RTF1: variants seen among roughly 807,000 people sequenced by gnomAD.
The protein encoded by RTF1 is RNA polymerase-associated protein RTF1 homolog.
In RTF1, 10 loss-of-function variants were observed where a neutral mutation model predicts 95.7. The ratio of observed to expected loss-of-function variants is 0.10; its 90% CI spans 0.06 to 0.18. The LOEUF is 0.18. Ranked by LOEUF, RTF1 falls within the 10% of genes least tolerant of loss-of-function variation. RTF1 has a pLI of 1.00. For synonymous variants in RTF1, 305 were observed against 311.8 expected (o/e 0.98, Z 0.23); for missense variants, 458 against 875.6 (o/e 0.52, Z 6.02).
intron 14 of RTF1, 76 bp downstream of exon 14, chr15:41,477,591 G>GT: frequency 8.6e-6 from 12 of 1,389,214 alleles, no homozygotes; most frequent in Non-Finnish European, 1.2e-5. Flanking sequence ...TCTTGCCTAA[G>GT]TTTATTTTTT....
intron 1 of RTF1, among the ~76,000 whole-genome samples, chr15:41,433,720 G>C (rs2050687426): frequency 6.6e-6 from 1 of 151,942 alleles, no homozygotes; most frequent in African/African-American, 2.4e-5. Flanking sequence ...AGCAATCCCA[G>C]TCCTAGGTAT....
At chr15:41,429,799 C>G (rs956215058) in intron 1 of RTF1, among the ~76,000 whole-genome samples, 2 of 151,858 alleles carry the variant, frequency 1.3e-5, no homozygotes, top group Non-Finnish European at 2.9e-5. Context: ...TCAGAGAAGC[C>G]TCTCTAACCA....
At chr15:41,458,846 C>T (rs1257176817) in intron 4 of RTF1, among the ~76,000 whole-genome samples, 7 of 150,082 alleles carry the variant, frequency 4.7e-5, no homozygotes, top group Admixed American at 4.7e-4. Context: ...CCAAGGCGGG[C>T]GGATCACTTG....
chr15:41,452,491 T>G (rs1361089677), intron 2 of RTF1, among the ~76,000 whole-genome samples: 1 of 152,052 alleles, frequency 6.6e-6, no homozygotes, highest in Admixed American at 6.6e-5. Context: ...CCCAGCACTT[T>G]GGGAGGCCGA....
intron 2 of RTF1, among the ~76,000 whole-genome samples, chr15:41,439,068 T>C (rs911314639): frequency 6.7e-6 from 1 of 149,666 alleles, no homozygotes; most frequent in Non-Finnish European, 1.5e-5. Flanking sequence ...AGTCTCACTC[T>C]GTCACCAGGC....
rs188215600 is a variant in RTF1, at chr15:41,455,027, G to A, written c.457+1979G>A. Among the ~76,000 whole-genome samples, 11 of 152,142 alleles carry A rather than the reference G, an allele frequency of 7.2e-5. No homozygotes were observed. In the East Asian group the frequency reaches 2.1e-3, roughly 29 times the overall value. On this transcript the variant is annotated intron_variant, in intron 3 of 17. Coordinates refer to ENST00000389629, the MANE Select transcript of RTF1 (RefSeq NM_015138.5). ...ACAAGTGGATAAAGAAAATGTGTAT[G>A]TATGCCAGCCGGGCATGGTGGCTCA...
At chr15:41,448,842 CAG>C (rs1292933787) in intron 2 of RTF1, 8 of 152,074 alleles carry the variant, frequency 5.3e-5, no homozygotes, top group African/African-American at 1.7e-4. Context: ...CTGAAGCGAG[CAG>C]AGATTATTTT....
rs747538645 is a variant in RTF1, at chr15:41,480,697, G to C, written c.*10G>C. The C allele has an allele frequency of 3.1e-6, 5 of 1,594,864 alleles. No homozygotes were observed. The highest frequency in any genetic ancestry group is 1.1e-5 in the South Asian group (1 of 90,680). ...ACGAGGGCTTATTTGAGCACACCCA[G>C]CCTGCTGCTTCTGACCCTGCATGCC... is the stretch of plus-strand genomic sequence containing the variant. On this transcript the variant is annotated 3_prime_UTR_variant, in exon 18 of 18. Transcript: ENST00000389629.
intron 1 of RTF1, among the ~76,000 whole-genome samples, chr15:41,429,436 C>G (rs1016331176): frequency 6.9e-6 from 1 of 145,798 alleles, no homozygotes; most frequent in Admixed American, 6.9e-5. Context: ...TTGTAGTGCT[C>G]TTTTTTTTTT....
intron 9 of RTF1, 87 bp downstream of exon 9, chr15:41,474,789 T>G (rs1335177875): frequency 2.1e-6 from 2 of 959,324 alleles, no homozygotes; most frequent in Non-Finnish European, 3.4e-6. Context: ...GTGATGTTCC[T>G]TGTTACCATG....
At chr15:41,450,507 C>G (rs1480877289) in intron 2 of RTF1, among the ~76,000 whole-genome samples, 1 of 151,680 alleles carries the variant, frequency 6.6e-6, no homozygotes, top group African/African-American at 2.4e-5. Context: ...ATGGCGTGAA[C>G]CGGGGAGGCG....
chr15:41,470,698 G>A (rs542773543), intron 7 of RTF1, among the ~76,000 whole-genome samples: 17 of 118,528 alleles, frequency 1.4e-4, no homozygotes, highest in Admixed American at 2.4e-4. Flanking sequence ...TCGCTCTGTC[G>A]CCCAGGCTGG....
intron 2 of RTF1, among the ~76,000 whole-genome samples, chr15:41,448,271 T>G (rs912858475): frequency 2.0e-5 from 3 of 152,152 alleles, no homozygotes; most frequent in Non-Finnish European, 4.4e-5. Context: ...TTTCCCTGAA[T>G]TAAATAAGAA....
chr15:41,438,480 C>G (rs1271231297), intron 2 of RTF1, 49 bp downstream of exon 2: 1 of 1,294,458 alleles, frequency 7.7e-7, no homozygotes, highest in Non-Finnish European at 1.1e-6. Context: ...AGTTGAGGCT[C>G]CTCGCTTTGG....
At chr15:41,422,002 C>T (rs1049057766) in intron 1 of RTF1, among the ~76,000 whole-genome samples, 1 of 151,992 alleles carries the variant, frequency 6.6e-6, no homozygotes, top group African/African-American at 2.4e-5. Context: ...TGTGAGCTGC[C>T]ACACCAGGCC....
chr15:41,480,183 C>CT, intron 16 of RTF1, 31 bp from the exon 17 acceptor site: 1 of 1,393,992 alleles, frequency 7.2e-7, no homozygotes, highest in Non-Finnish European at 1.0e-6. Flanking sequence ...CATTTATGCT[C>CT]TTACCATTAG....
intron 8 of RTF1, 162 bp from the exon 9 acceptor site, chr15:41,474,458 A>G (rs1454277113): frequency 4.8e-6 from 3 of 621,842 alleles, no homozygotes; most frequent in Non-Finnish European, 8.7e-6. Context: ...GGCCATCTGG[A>G]TTCTAAACCT....
chr15:41,461,770 T>C (rs575187654), intron 4 of RTF1, among the ~76,000 whole-genome samples: 29 of 151,980 alleles, frequency 1.9e-4, no homozygotes, highest in African/African-American at 5.8e-4. Context: ...ATTACAGGTG[T>C]GAGCCACCGT....
chr15:41,478,769 C>T, intron 15 of RTF1, 144 bp downstream of exon 15: 1 of 708,302 alleles, frequency 1.4e-6, no homozygotes, highest in African/African-American at 1.8e-5. Context: ...CTGGATACTT[C>T]CTTTTTTATC....
Sources: allele counts gnomAD v4.1 joint callset (sites outside exome capture counted in the v4.1 genomes callset), GRCh38; gene constraint gnomAD v4.1.1; transcripts MANE v1.5; gene names NCBI Gene and HGNC (gene_info 2026-07-23, HGNC 2026-07-21).